Variants in PCED1B observed in about 807,000 individuals in gnomAD.
The protein encoded by PCED1B is PC-esterase domain containing 1B.
For missense variants in PCED1B, 573 were observed against 573.9 expected (o/e 1.00, Z 0.02); for synonymous variants, 251 against 246.1 (o/e 1.02, Z -0.19).
intron 2 of PCED1B, among the ~76,000 whole-genome samples, chr12:47,169,827 C>T (rs1941663049): frequency 7.0e-6 from 1 of 143,446 alleles, no homozygotes; most frequent in South Asian, 2.2e-4. Flanking sequence ...TGTATTTCAG[C>T]TTGGGCAACA....
At chr12:47,128,310 A>G (rs1056250200) in intron 2 of PCED1B, among the ~76,000 whole-genome samples, 4 of 152,164 alleles carry the variant, frequency 2.6e-5, no homozygotes, top group Admixed American at 2.6e-4. Context: ...CAACAGATAA[A>G]AGTGTCTTAT....
intron 1 of PCED1B, among the ~76,000 whole-genome samples, chr12:47,091,511 C>T (rs1327730825): frequency 2.0e-5 from 3 of 152,054 alleles, no homozygotes; most frequent in Non-Finnish European, 4.4e-5. Flanking sequence ...TGCCTTTTCA[C>T]TCAATTTGGG....
chr12:47,115,765 T>C (rs1939393723), intron 2 of PCED1B, among the ~76,000 whole-genome samples: 1 of 152,226 alleles, frequency 6.6e-6, no homozygotes, highest in South Asian at 2.1e-4. Flanking sequence ...GGAGACACCC[T>C]GTAAAATTAA....
intron 2 of PCED1B, among the ~76,000 whole-genome samples, chr12:47,185,422 G>A (rs1942223878): frequency 6.6e-6 from 1 of 152,186 alleles, no homozygotes. Flanking sequence ...GCCAAGTATT[G>A]CTGGTGTAGG....
At chr12:47,155,615 A>G (rs535092410) in intron 2 of PCED1B, among the ~76,000 whole-genome samples, 51 of 152,346 alleles carry the variant, frequency 3.3e-4, no homozygotes, top group African/African-American at 1.2e-3. Flanking sequence ...GCAAGGAAAC[A>G]GGTATAAGTA....
At chr12:47,155,449 C>T (rs1282912090) in intron 2 of PCED1B, among the ~76,000 whole-genome samples, 1 of 152,198 alleles carries the variant, frequency 6.6e-6, no homozygotes, top group African/African-American at 2.4e-5. Context: ...GGGTTCCAAA[C>T]TTTTTGCCGA....
rs572555973 is a variant in PCED1B at position 47,110,382 on chromosome 12, A to G, written c.-526+6187A>G. Among the ~76,000 whole-genome samples the G allele has an allele frequency of 4.5e-4, 16 of 35,524 alleles. No homozygotes were observed. In the East Asian group the frequency reaches 0.018, roughly 39 times the overall value. 23.3% of individuals were successfully genotyped at this position (35,524 alleles called of 152,430 possible). ...CACTTCAATAAATAATTTTTACGCA[A>G]TCCATAGGATTCAGCCAATCAATTA... On this transcript the variant is annotated intron_variant, in intron 2 of 3. Coordinates refer to ENST00000546455, the MANE Select transcript of PCED1B (RefSeq NM_138371.3).
rs546526810 is a variant in PCED1B at position 47,186,209 on chromosome 12, C to T, written c.-525-30013C>T. Among the ~76,000 whole-genome samples, 6 of 127,598 alleles carry T rather than the reference C, an allele frequency of 4.7e-5. No individual in the cohort carries two copies. In the East Asian group the frequency reaches 1.4e-3, roughly 30 times the overall value. The allele number at this position is 127,598 out of a possible 152,430, so 83.7% of individuals were successfully genotyped here. A position where few individuals can be genotyped will look rare whatever the true frequency, so the allele number is the denominator to read the frequency against. On this transcript the variant is annotated intron_variant, in intron 2 of 3. Coordinates refer to ENST00000546455, the MANE Select transcript of PCED1B (RefSeq NM_138371.3). ...CTCCAGCCTGGGTGACAGAGTGAGA[C>T]TCCGTCTAAAAAAAAAGAAAAAAAA...
intron 2 of PCED1B, among the ~76,000 whole-genome samples, chr12:47,123,641 G>A (rs17097619): frequency 0.014 from 2,082 of 152,124 alleles, 41 homozygotes; most frequent in African/African-American, 0.046. Flanking sequence ...GTGGATATAA[G>A]AAGGCAAGAA....
At chr12:47,210,552 G>T (rs1260973565) in intron 2 of PCED1B, 1 of 152,178 alleles carries the variant, frequency 6.6e-6, no homozygotes, top group Non-Finnish European at 1.5e-5. Context: ...GATCACCTGA[G>T]GTCAGGAGTT....
chr12:47,106,764 AT>A (rs770949769), intron 2 of PCED1B, among the ~76,000 whole-genome samples: 2 of 152,036 alleles, frequency 1.3e-5, no homozygotes, highest in Non-Finnish European at 2.9e-5. Context: ...CTGTTAGAGC[AT>A]GTTCTTTTTC....
intron 2 of PCED1B, among the ~76,000 whole-genome samples, chr12:47,134,522 C>T (rs1940267029): frequency 6.6e-6 from 1 of 152,140 alleles, no homozygotes; most frequent in Admixed American, 6.5e-5. Flanking sequence ...TACCTCTCCC[C>T]ACCTGCATTG....
chr12:47,101,575 C>T (rs1035311878), intron 1 of PCED1B, among the ~76,000 whole-genome samples: 12 of 152,126 alleles, frequency 7.9e-5, no homozygotes, highest in African/African-American at 2.9e-4. Flanking sequence ...TCATCATGAG[C>T]CCCCTTTCCC....
intron 2 of PCED1B, among the ~76,000 whole-genome samples, chr12:47,179,049 A>G (rs536234919): frequency 4.9e-4 from 74 of 152,314 alleles, no homozygotes; most frequent in African/African-American, 1.3e-3. Context: ...ATTTGTGTCT[A>G]GATTATACAA....
chr12:47,225,346 T>G (rs1943603689), intron 3 of PCED1B, among the ~76,000 whole-genome samples: 1 of 152,258 alleles, frequency 6.6e-6, no homozygotes, highest in East Asian at 1.9e-4. Context: ...CATTGCTTCT[T>G]CCACTTTGGT....
intron 2 of PCED1B, among the ~76,000 whole-genome samples, chr12:47,188,558 G>C (rs1942347110): frequency 6.6e-6 from 1 of 152,172 alleles, no homozygotes; most frequent in Admixed American, 6.5e-5. Flanking sequence ...GGTAGTTTCA[G>C]GACGATACTG....
At chr12:47,186,539 C>T (rs1418090515) in intron 2 of PCED1B, among the ~76,000 whole-genome samples, 2 of 152,040 alleles carry the variant, frequency 1.3e-5, no homozygotes, top group African/African-American at 4.8e-5. Context: ...AGGAGGCGGA[C>T]AGAGATCTCA....
In PCED1B at chr12:47,106,772, T is replaced by C. The variant is rs144475942; in HGVS notation, c.-526+2577T>C. Among the ~76,000 whole-genome samples the C allele has an allele frequency of 2.4e-3, 359 of 152,330 alleles. 1 individual carries two copies. Among genetic ancestry groups the C allele is most frequent in the African/African-American group, 8.0e-3 (331 of 41,576 alleles). ...ATCTCTCCTGTTAGAGCATGTTCTT[T>C]TTCTTTTTCCTCCAGCTTTTTTTTT... On this transcript the variant is annotated intron_variant, in intron 2 of 3. Coordinates refer to ENST00000546455, the MANE Select transcript of PCED1B (RefSeq NM_138371.3).
chr12:47,230,802 GCT>G (rs778061534), intron 3 of PCED1B, among the ~76,000 whole-genome samples: 1 of 152,174 alleles, frequency 6.6e-6, no homozygotes, highest in Non-Finnish European at 1.5e-5. Flanking sequence ...CATCATGTTG[GCT>G]CTCAAAAAGT....
Sources: allele counts gnomAD v4.1 joint callset (sites outside exome capture counted in the v4.1 genomes callset), GRCh38; gene constraint gnomAD v4.1.1; transcripts MANE v1.5; gene names NCBI Gene and HGNC (gene_info 2026-07-23, HGNC 2026-07-21).